Variants in UNC13C observed in about 807,000 individuals in gnomAD.
The protein encoded by UNC13C is unc-13 homolog C.
Under a neutral mutation model 245.4 loss-of-function variants are expected in UNC13C, and 174 were observed. The observed-to-expected ratio is 0.71, with a 90% CI of 0.63 to 0.80. The LOEUF is 0.80. Ranked by LOEUF, UNC13C falls within the 30% of genes least tolerant of loss-of-function variation. UNC13C has a pLI of 0.00. For synonymous variants in UNC13C, 992 were observed against 895.1 expected, an observed-to-expected ratio of 1.11 and a Z score of -1.93; for missense variants, 2,829 against 2,602.9, an observed-to-expected ratio of 1.09 and a Z score of -1.89.
At chr15:53,892,387 T>A in the UNC13C span, among the ~76,000 whole-genome samples, 1 of 152,138 alleles carries the variant, frequency 6.6e-6, no homozygotes, top group Non-Finnish European at 1.5e-5. Context: ...ATCTTTGTGG[T>A]GTTCTCTGTA....
chr15:54,031,316 C>T (rs1249648163), intron 2 of UNC13C, among the ~76,000 whole-genome samples: 7 of 152,140 alleles, frequency 4.6e-5, no homozygotes, highest in South Asian at 2.1e-4. Context: ...TTCCGCCTCC[C>T]GGGTTCACGC....
intron 1 of UNC13C, among the ~76,000 whole-genome samples, chr15:53,992,127 G>GTCCT (rs1443765698): frequency 1.3e-5 from 2 of 151,966 alleles, no homozygotes; most frequent in East Asian, 3.9e-4. Context: ...CCTCCTATGG[G>GTCCT]TCCTTGCCAG....
At chr15:54,553,711 C>T (rs1019172425) in intron 28 of UNC13C, among the ~76,000 whole-genome samples, 13 of 151,218 alleles carry the variant, frequency 8.6e-5, no homozygotes, top group Non-Finnish European at 1.6e-4. Flanking sequence ...GATCCCCTTA[C>T]TTGAATGATC....
At chr15:54,399,294 T>C (rs2040133289) in intron 18 of UNC13C, among the ~76,000 whole-genome samples, 1 of 151,698 alleles carries the variant, frequency 6.6e-6, no homozygotes, top group Admixed American at 6.6e-5. Context: ...CAACAGACAA[T>C]TGTATACATA....
chr15:53,843,371 A>AG, the UNC13C span, among the ~76,000 whole-genome samples: 1 of 152,048 alleles, frequency 6.6e-6, no homozygotes, highest in African/African-American at 2.4e-5. Flanking sequence ...TGCTTGTGGG[A>AG]GGACTGCTTG....
At chr15:54,500,273 G>A in intron 21 of UNC13C, 98 bp downstream of exon 21, 1 of 922,142 alleles carries the variant, frequency 1.1e-6, no homozygotes. Flanking sequence ...GTTATTAATT[G>A]TTTCCATTCC....
At chr15:54,105,467 G>T (rs2141164178) in intron 2 of UNC13C, among the ~76,000 whole-genome samples, 1 of 152,212 alleles carries the variant, frequency 6.6e-6, no homozygotes, top group South Asian at 2.1e-4. Context: ...CCTTCATTCT[G>T]AAGGTTTTCA....
intron 2 of UNC13C, among the ~76,000 whole-genome samples, chr15:54,140,206 AT>A (rs1398809236): frequency 6.6e-6 from 1 of 152,182 alleles, no homozygotes; most frequent in Admixed American, 6.5e-5. Flanking sequence ...TGCCATTAGG[AT>A]TTTGACTGTG....
chr15:54,454,193 G>A (rs1168425544), intron 19 of UNC13C, among the ~76,000 whole-genome samples: 1 of 151,858 alleles, frequency 6.6e-6, no homozygotes, highest in African/African-American at 2.4e-5. Flanking sequence ...GTGGCATGAG[G>A]TGCTACATTC....
chr15:54,085,399 A>C (rs534932476), intron 2 of UNC13C, among the ~76,000 whole-genome samples: 1 of 152,256 alleles, frequency 6.6e-6, no homozygotes, highest in South Asian at 2.1e-4. Flanking sequence ...CCCTATACTC[A>C]ACCTTTTAGT....
chr15:54,194,588 G>T (rs937286291), intron 4 of UNC13C, among the ~76,000 whole-genome samples: 2 of 146,266 alleles, frequency 1.4e-5, no homozygotes, highest in Non-Finnish European at 3.1e-5. Context: ...ACTCTCCATT[G>T]AATAAACGTT....
chr15:54,134,545 G>T (rs557545789), intron 2 of UNC13C, among the ~76,000 whole-genome samples: 5 of 151,634 alleles, frequency 3.3e-5, no homozygotes, highest in Non-Finnish European at 5.9e-5. Context: ...TCGGAGTCTC[G>T]CTGTCTCGCT....
chr15:53,984,033 A>G (rs897639154), intron 1 of UNC13C, among the ~76,000 whole-genome samples: 43 of 151,896 alleles, frequency 2.8e-4, no homozygotes, highest in Admixed American at 1.9e-3. Flanking sequence ...GAATCTTCCA[A>G]TTGTTTTATC....
intron 10 of UNC13C, among the ~76,000 whole-genome samples, chr15:54,279,151 T>G (rs377445622): frequency 6.6e-6 from 1 of 152,118 alleles, no homozygotes; most frequent in Admixed American, 6.5e-5. Context: ...TGCCAAGTGT[T>G]TTGTGGTATT....
At chr15:53,992,383 T>C (rs1205697836) in intron 1 of UNC13C, among the ~76,000 whole-genome samples, 1 of 152,054 alleles carries the variant, frequency 6.6e-6, no homozygotes, top group Non-Finnish European at 1.5e-5. Context: ...ACTCTAGTTG[T>C]TGGTCTGGAG....
intron 2 of UNC13C, among the ~76,000 whole-genome samples, chr15:54,140,591 G>T (rs984426685): frequency 6.6e-6 from 1 of 152,194 alleles, no homozygotes; most frequent in East Asian, 1.9e-4. Context: ...CTTCAGCTAG[G>T]TTTGGGACAT....
intron 2 of UNC13C, 144 bp downstream of exon 2, chr15:54,016,030 T>G: frequency 1.4e-6 from 1 of 714,230 alleles, no homozygotes; most frequent in Non-Finnish European, 2.2e-6. Context: ...GCATTTTGTT[T>G]TACTCAGGCA....
chr15:54,310,053 A>G (rs1221689461), intron 13 of UNC13C, among the ~76,000 whole-genome samples: 2 of 151,762 alleles, frequency 1.3e-5, no homozygotes, highest in Non-Finnish European at 2.9e-5. Flanking sequence ...TTAGGGGAGA[A>G]TATTAAACAT....
chr15:54,079,828 T>C (rs1898838950), intron 2 of UNC13C, among the ~76,000 whole-genome samples: 1 of 152,024 alleles, frequency 6.6e-6, no homozygotes, highest in Non-Finnish European at 1.5e-5. Flanking sequence ...TTATTCTGGC[T>C]AGGACTTCCG....
Sources: allele counts gnomAD v4.1 joint callset (sites outside exome capture counted in the v4.1 genomes callset), GRCh38; gene constraint gnomAD v4.1.1; transcripts MANE v1.5; gene names NCBI Gene and HGNC (gene_info 2026-07-23, HGNC 2026-07-21).